PLCB1: variants seen among roughly 807,000 people sequenced by gnomAD.
PLCB1 encodes the protein 1-phosphatidylinositol 4,5-bisphosphate phosphodiesterase beta-1.
A neutral mutation model predicts 161.8 loss-of-function variants in PLCB1; 46 were observed. That is an observed-to-expected ratio of 0.28 (90% CI 0.22 to 0.36). PLCB1 has a LOEUF of 0.36. Ranked by LOEUF, PLCB1 falls within the 10% of genes least tolerant of loss-of-function variation. PLCB1 has a pLI of 1.00. For missense variants in PLCB1, 1,016 were observed against 1,472.5 expected (o/e 0.69, Z 5.07); for synonymous variants, 517 against 503.7 (o/e 1.03, Z -0.35).
Position 8,596,277 on chromosome 20 carries a change from ATAAGGTGTAAG to A in PLCB1, c.247-32016_247-32006del. On this transcript the variant is annotated intron_variant, in intron 3 of 31. Transcript: ENST00000338037. Reference sequence around the variant, plus strand: ...TAATCCATCTTGAATTGATTTTTGTATAAGGTGTAAGAAAGGGATCCAGTTTCAGCTTTCTA... The same window carrying A: ...TAATCCATCTTGAATTGATTTTTGTAAAAGGGATCCAGTTTCAGCTTTCTA... 4.3e-5 allele frequency among the ~76,000 whole-genome samples: 5 copies of A among 117,436 alleles called. No homozygotes were observed. In the South Asian group the frequency reaches 1.4e-3, roughly 33 times the overall value. The allele number at this position is 117,436 out of a possible 152,430, so 77.0% of individuals were successfully genotyped here.
At position 8,336,832 on chromosome 20, in the gene PLCB1, A is replaced by AT. The variant is rs529420121; in HGVS notation, c.178-34542dup. Among the ~76,000 whole-genome samples the AT allele has an allele frequency of 6.6e-5, 10 of 151,950 alleles. No homozygotes were observed. The East Asian group carries it at 9.7e-4, about 15-fold the overall frequency. ...ATTTACTGTCTCACCATTATTCATC[A>AT]TTTTTTTTCTTTTCTATTTCTCTCT... is the stretch of plus-strand genomic sequence containing the variant. On this transcript the variant is annotated intron_variant, in intron 2 of 31. Transcript: ENST00000338037.
chr20:8,501,189 C>T (rs757971550), intron 3 of PLCB1, among the ~76,000 whole-genome samples: 1 of 152,170 alleles, frequency 6.6e-6, no homozygotes, highest in Non-Finnish European at 1.5e-5. Flanking sequence ...GATCCCTTTT[C>T]CACGACAAGG....
At chr20:8,807,184 A>G (rs1984580004) in intron 31 of PLCB1, among the ~76,000 whole-genome samples, 1 of 152,210 alleles carries the variant, frequency 6.6e-6, no homozygotes, top group African/African-American at 2.4e-5. Context: ...CACTGAAATA[A>G]TAGTTATGAG....
chr20:8,535,302 A>G (rs1188680294), intron 3 of PLCB1, among the ~76,000 whole-genome samples: 1 of 151,632 alleles, frequency 6.6e-6, no homozygotes, highest in Admixed American at 6.6e-5. Context: ...TGTAATTAGA[A>G]TATGCAATTA....
chr20:8,222,438 A>G (rs940838241), intron 2 of PLCB1, among the ~76,000 whole-genome samples: 9 of 152,130 alleles, frequency 5.9e-5, no homozygotes, highest in African/African-American at 1.9e-4. Context: ...GTTGTTATTA[A>G]TCACTCAAAT....
rs1335369772 is a variant in PLCB1 at position 8,817,729 on chromosome 20, C to T, written c.3423+27468C>T. 4.6e-5 allele frequency among the ~76,000 whole-genome samples: 7 copies of T among 151,994 alleles called. No individual in the cohort carries two copies. The East Asian group carries it at 7.7e-4, about 17-fold the overall frequency. ...CACATGAAAGCAATCACAATGAATA[C>T]GAAGAAAGTCCATGAGTGAGAAAGA... is the stretch of plus-strand genomic sequence containing the variant. On this transcript the variant is annotated intron_variant, in intron 31 of 31. Coordinates refer to ENST00000338037, the MANE Select transcript of PLCB1 (RefSeq NM_015192.4).
At chr20:8,568,895 C>A (rs1190487421) in intron 3 of PLCB1, among the ~76,000 whole-genome samples, 1 of 152,106 alleles carries the variant, frequency 6.6e-6, no homozygotes, top group Admixed American at 6.6e-5. Context: ...GCAAGGCAGC[C>A]AATATGGTGT....
At chr20:8,156,436 TTACTA>T (rs2051563792) in intron 2 of PLCB1, among the ~76,000 whole-genome samples, 1 of 152,206 alleles carries the variant, frequency 6.6e-6, no homozygotes, top group African/African-American at 2.4e-5. Flanking sequence ...TAAACTACTT[TTACTA>T]GAATCCTTAT....
intron 9 of PLCB1, among the ~76,000 whole-genome samples, chr20:8,672,306 A>G (rs1388530556): frequency 2.6e-5 from 4 of 152,174 alleles, no homozygotes; most frequent in African/African-American, 7.2e-5. Context: ...CAAGTAGCAT[A>G]TCATAAAAGA....
intron 5 of PLCB1, among the ~76,000 whole-genome samples, chr20:8,647,194 C>T (rs1195023569): frequency 6.6e-6 from 1 of 152,100 alleles, no homozygotes; most frequent in African/African-American, 2.4e-5. Context: ...TTTTATCATC[C>T]TTCTTCTAGA....
intron 3 of PLCB1, among the ~76,000 whole-genome samples, chr20:8,372,681 A>G (rs1986942732): frequency 6.6e-6 from 1 of 152,168 alleles, no homozygotes; most frequent in African/African-American, 2.4e-5. Flanking sequence ...TGCTTTGTTG[A>G]TGATTCAAAA....
chr20:8,170,495 C>T lies in PLCB1; in HGVS notation c.177+20124C>T, dbSNP rs192219726. ...AATCAGATCTAAATTTTTAGATTTG[C>T]AAGGTCTGAGTGAAAAAAAAGAGTG... On this transcript the variant is annotated intron_variant, in intron 2 of 31. Transcript: ENST00000338037. Among the ~76,000 whole-genome samples the T allele has an allele frequency of 4.3e-3, 660 of 151,920 alleles. 3 individuals are homozygous for T. Among genetic ancestry groups the T allele is most frequent in the Non-Finnish European group, 6.8e-3 (463 of 67,954 alleles).
intron 3 of PLCB1, among the ~76,000 whole-genome samples, chr20:8,540,759 A>G (rs1985279671): frequency 6.6e-6 from 1 of 152,152 alleles, no homozygotes; most frequent in Admixed American, 6.5e-5. Flanking sequence ...CCTTCTCCAC[A>G]GTTGTTGACA....
chr20:8,334,233 A>G (rs752882512), intron 2 of PLCB1, among the ~76,000 whole-genome samples: 38 of 152,280 alleles, frequency 2.5e-4, no homozygotes, highest in South Asian at 8.3e-4. Flanking sequence ...AAGAAAAGAA[A>G]AGAAAACATT....
chr20:8,788,339 A>G, intron 27 of PLCB1, 110 bp from the exon 28 acceptor site: 1 of 968,940 alleles, frequency 1.0e-6, no homozygotes, highest in Non-Finnish European at 1.5e-6. Context: ...AACTATTGTG[A>G]AACATCCATC....
intron 2 of PLCB1, among the ~76,000 whole-genome samples, chr20:8,324,574 C>T (rs375709872): frequency 2.6e-5 from 4 of 152,244 alleles, no homozygotes; most frequent in East Asian, 3.9e-4. Context: ...TTCTCTGATA[C>T]GGGGACTCCA....
intron 2 of PLCB1, among the ~76,000 whole-genome samples, chr20:8,182,870 C>T (rs569307616): frequency 3.1e-4 from 47 of 152,206 alleles, no homozygotes; most frequent in African/African-American, 9.1e-4. Flanking sequence ...TGTGAGCCAC[C>T]GTGCCTGGCT....
rs145567839 is a variant in PLCB1, at chr20:8,523,902, T to C, written c.247-104392T>C. 2.0e-4 allele frequency among the ~76,000 whole-genome samples: 31 copies of C among 152,056 alleles called. 1 individual carries two copies. In the East Asian group the frequency reaches 6.0e-3, roughly 29 times the overall value. ...AAACCATGCCACCCAGAGGCCTGCA[T>C]GGGGAGCGTGTGTTGTATGGAATCA... is the stretch of plus-strand genomic sequence containing the variant. On this transcript the variant is annotated intron_variant, in intron 3 of 31. Coordinates refer to ENST00000338037, the MANE Select transcript of PLCB1 (RefSeq NM_015192.4).
At chr20:8,628,245 G>A (rs780497994) in intron 3 of PLCB1, 49 bp from the exon 4 acceptor site, 23 of 1,396,590 alleles carry the variant, frequency 1.6e-5, no homozygotes, top group Non-Finnish European at 2.2e-5. Flanking sequence ...ATGCTATCAC[G>A]TTGGAATCTC....
Sources: allele counts gnomAD v4.1 joint callset (sites outside exome capture counted in the v4.1 genomes callset), GRCh38; gene constraint gnomAD v4.1.1; transcripts MANE v1.5; gene names NCBI Gene and HGNC (gene_info 2026-07-23, HGNC 2026-07-21).